SPIDR: variants seen among roughly 807,000 people sequenced by gnomAD.
SPIDR encodes the protein scaffold protein involved in DNA repair.
Under a neutral mutation model 104.6 loss-of-function variants are expected in SPIDR, and 93 were observed. The observed-to-expected ratio is 0.89, with a 90% CI of 0.75 to 1.06. SPIDR has a LOEUF of 1.06. Ranked by LOEUF, SPIDR falls within the 50% of genes least tolerant of loss-of-function variation. SPIDR has a pLI of 0.00. For synonymous variants in SPIDR, 431 were observed against 416.9 expected, an observed-to-expected ratio of 1.03 and a Z score of -0.41; for missense variants, 1,154 against 1,111.2, an observed-to-expected ratio of 1.04 and a Z score of -0.55.
At chr8:47,354,422 A>G (rs1380528001) in intron 5 of SPIDR, among the ~76,000 whole-genome samples, 10 of 151,532 alleles carry the variant, frequency 6.6e-5, no homozygotes, top group African/African-American at 2.4e-4. Flanking sequence ...ATTGGAGCTT[A>G]TTGATCACTC....
chr8:47,688,897 A>G (rs1194687012), intron 11 of SPIDR, among the ~76,000 whole-genome samples: 1 of 151,986 alleles, frequency 6.6e-6, no homozygotes, highest in African/African-American at 2.4e-5. Context: ...AAACTGGTAG[A>G]TCTGTAGTGG....
At chr8:47,356,496 C>T (rs2054578519) in intron 5 of SPIDR, among the ~76,000 whole-genome samples, 1 of 152,074 alleles carries the variant, frequency 6.6e-6, no homozygotes, top group African/African-American at 2.4e-5. Flanking sequence ...AAAGATTCTG[C>T]ACTTAATTAG....
At chr8:47,361,956 GAGGCTCCACGTGCT>G (rs1404361788) in intron 5 of SPIDR, among the ~76,000 whole-genome samples, 5 of 152,224 alleles carry the variant, frequency 3.3e-5, no homozygotes, top group Non-Finnish European at 7.3e-5. Flanking sequence ...GTCCAGACCA[GAGGCTCCACGTGCT>G]ACACATTTTT....
chr8:47,263,511 G>A (rs1329320983), intron 1 of SPIDR, among the ~76,000 whole-genome samples: 1 of 152,132 alleles, frequency 6.6e-6, no homozygotes, highest in Non-Finnish European at 1.5e-5. Flanking sequence ...ATTAGAGACA[G>A]GGTTTCACCG....
intron 5 of SPIDR, among the ~76,000 whole-genome samples, chr8:47,352,134 G>A (rs539208920): frequency 2.0e-5 from 3 of 152,024 alleles, no homozygotes; most frequent in Admixed American, 6.6e-5. Flanking sequence ...AAAATTATCC[G>A]GGCGTGATGG....
At chr8:47,569,168 A>G (rs2058231960) in intron 8 of SPIDR, among the ~76,000 whole-genome samples, 1 of 152,230 alleles carries the variant, frequency 6.6e-6, no homozygotes, top group Admixed American at 6.5e-5. Flanking sequence ...AAGCAGTTAC[A>G]AGAGATAAAG....
chr8:47,280,298 C>G (rs1320538273), intron 2 of SPIDR, among the ~76,000 whole-genome samples: 5 of 150,862 alleles, frequency 3.3e-5, no homozygotes, highest in Non-Finnish European at 7.4e-5. Flanking sequence ...GGCTGGAGTA[C>G]AGTGGCGCAA....
In SPIDR at chr8:47,484,617, G is replaced by A. The variant is rs117530679; in HGVS notation, c.1097+44075G>A. Among the ~76,000 whole-genome samples the A allele has an allele frequency of 1.7e-4, 26 of 152,302 alleles. No homozygotes were observed. In the East Asian group the frequency reaches 2.7e-3, roughly 16 times the overall value. ...GGGTGTATTTGGGGGAGATGGTCTC[G>A]TAGTTCTGGGCATATAAAAGCAACA... On this transcript the variant is annotated intron_variant, in intron 8 of 19. Transcript: ENST00000297423.
At chr8:47,561,336 T>C (rs1266429106) in intron 8 of SPIDR, among the ~76,000 whole-genome samples, 1 of 152,190 alleles carries the variant, frequency 6.6e-6, no homozygotes, top group Non-Finnish European at 1.5e-5. Context: ...TGATTTAACA[T>C]TTAATCCCAA....
At chr8:47,424,188 T>C (rs1366395039) in intron 7 of SPIDR, among the ~76,000 whole-genome samples, 1 of 152,236 alleles carries the variant, frequency 6.6e-6, no homozygotes, top group African/African-American at 2.4e-5. Flanking sequence ...TCAGGAGATG[T>C]GAGTGCAGCA....
chr8:47,503,909 G>T (rs1468219450), intron 8 of SPIDR, among the ~76,000 whole-genome samples: 2 of 152,264 alleles, frequency 1.3e-5, no homozygotes, highest in Middle Eastern at 3.4e-3. Flanking sequence ...AGTTTGGCTG[G>T]ATATGAAATT....
At chr8:47,698,629 A>G (rs901963577) in intron 11 of SPIDR, among the ~76,000 whole-genome samples, 3 of 152,254 alleles carry the variant, frequency 2.0e-5, no homozygotes, top group African/African-American at 7.2e-5. Flanking sequence ...AATAAAAGTC[A>G]TTAAATTCAA....
At chr8:47,476,157 G>A (rs2076268274) in intron 8 of SPIDR, among the ~76,000 whole-genome samples, 1 of 152,176 alleles carries the variant, frequency 6.6e-6, no homozygotes, top group African/African-American at 2.4e-5. Flanking sequence ...AAGTGTGACA[G>A]TGTTCTTGGA....
At chr8:47,663,197 G>A (rs558371667) in intron 10 of SPIDR, among the ~76,000 whole-genome samples, 22 of 152,162 alleles carry the variant, frequency 1.4e-4, no homozygotes, top group Non-Finnish European at 2.8e-4. Context: ...CTTTAGGCTC[G>A]GCCTAAAGGT....
In SPIDR at chr8:47,501,762, A is replaced by G. The variant is rs528496091; in HGVS notation, c.1097+61220A>G. ...TGCTTCCAGTTTTTGCCCATTCAGT[A>G]TGATATTGGCTGTGGGTTTGTCATA... On this transcript the variant is annotated intron_variant, in intron 8 of 19. Transcript: ENST00000297423. Among the ~76,000 whole-genome samples, 11 of 152,262 alleles carry G rather than the reference A, an allele frequency of 7.2e-5. No individual in the cohort carries two copies. In the East Asian group the frequency reaches 2.1e-3, roughly 29 times the overall value.
intron 10 of SPIDR, among the ~76,000 whole-genome samples, chr8:47,626,575 G>A (rs191846529): frequency 2.2e-4 from 33 of 152,240 alleles, no homozygotes; most frequent in African/African-American, 7.0e-4. Context: ...ACAAATGGGC[G>A]AAGGATATGA....
intron 8 of SPIDR, among the ~76,000 whole-genome samples, chr8:47,535,015 ACT>A (rs1374414576): frequency 1.3e-5 from 2 of 152,160 alleles, no homozygotes; most frequent in East Asian, 1.9e-4. Flanking sequence ...ATTTTGGAAA[ACT>A]CTCTGCCCAC....
chr8:47,419,539 A>G (rs1339682038), intron 7 of SPIDR, among the ~76,000 whole-genome samples: 2 of 152,174 alleles, frequency 1.3e-5, no homozygotes, highest in South Asian at 2.1e-4. Flanking sequence ...CTAGTAGTCT[A>G]TCAATTTTGT....
chr8:47,596,695 C>G (rs1223433000), intron 9 of SPIDR, among the ~76,000 whole-genome samples: 1 of 152,112 alleles, frequency 6.6e-6, no homozygotes, highest in African/African-American at 2.4e-5. Flanking sequence ...CCTTAATTTA[C>G]TGTAACTTTC....
Sources: allele counts gnomAD v4.1 joint callset (sites outside exome capture counted in the v4.1 genomes callset), GRCh38; gene constraint gnomAD v4.1.1; transcripts MANE v1.5; gene names NCBI Gene and HGNC (gene_info 2026-07-23, HGNC 2026-07-21).